The following XKR9 variants were observed in gnomAD, a reference collection of about 807,000 sequenced individuals.
XKR9 encodes the protein XK related 9.
Under a neutral mutation model 32.0 loss-of-function variants are expected in XKR9, and 32 were observed. The ratio of observed to expected loss-of-function variants is 1.00; its 90% CI spans 0.76 to 1.34. The LOEUF (loss-of-function observed/expected upper bound fraction) is 1.34. Among genes scored for constraint, XKR9 ranks in the 40% most tolerant of loss-of-function variants. The pLI, the probability that XKR9 is intolerant of heterozygous loss-of-function variation, is 0.00. For synonymous variants in XKR9, 168 were observed against 143.4 expected (o/e 1.17, Z -1.22); for missense variants, 546 against 429.7 (o/e 1.27, Z -2.39).
At chr8:70,876,611 A>G in the XKR9 span, among the ~76,000 whole-genome samples, 7 of 152,188 alleles carry the variant, frequency 4.6e-5, no homozygotes, top group Admixed American at 4.6e-4. Context: ...AAATAAATCC[A>G]TAACTGATAC....
chr8:70,945,199 G>C, the XKR9 span, among the ~76,000 whole-genome samples: 1 of 152,218 alleles, frequency 6.6e-6, no homozygotes, highest in East Asian at 1.9e-4. Flanking sequence ...GATCTCAGCA[G>C]GTATATCTTC....
exon 4 of XKR9, chr8:70,790,249 T>C (rs1161014907): frequency 6.6e-6 from 1 of 152,070 alleles, no homozygotes; most frequent in African/African-American, 2.4e-5. Context: ...TTTGATGTGA[T>C]AGAATGCCAA....
chr8:70,790,355 A>G (rs1004289270), exon 4 of XKR9: 4 of 152,086 alleles, frequency 2.6e-5, no homozygotes, highest in South Asian at 2.1e-4. Context: ...ATTAGAAGTT[A>G]GTTTCTTTTT....
the XKR9 span, among the ~76,000 whole-genome samples, chr8:71,060,500 TTGGCTGGGTACCCCTCCTTGTGGC>T: frequency 6.6e-6 from 1 of 152,214 alleles, no homozygotes; most frequent in African/African-American, 2.4e-5. Context: ...TGCTGAGCTA[TTGGCTGGGTACCCCTCCTTGTGGC>T]TACCTCAGGG....
At chr8:70,748,873 T>TCACA (rs34414318) in intron 2 of XKR9, among the ~76,000 whole-genome samples, 60,975 of 151,698 alleles carry the variant, frequency 0.4, 13,735 homozygotes, top group Non-Finnish European at 0.52. Flanking sequence ...TCAGCCAGAC[T>TCACA]CAGACATTGG....
the XKR9 span, among the ~76,000 whole-genome samples, chr8:71,006,320 G>A: frequency 3.1e-5 from 4 of 130,612 alleles, no homozygotes; most frequent in Non-Finnish European, 6.8e-5. Flanking sequence ...AAAACATTAC[G>A]ATATTTAAAA....
chr8:70,836,684 G>A, the XKR9 span, among the ~76,000 whole-genome samples: 4 of 151,852 alleles, frequency 2.6e-5, no homozygotes, highest in South Asian at 8.3e-4. Flanking sequence ...ATCTTTAAGG[G>A]ACATGTGCAT....
chr8:71,016,088 G>A, the XKR9 span, among the ~76,000 whole-genome samples: 1 of 119,822 alleles, frequency 8.3e-6, no homozygotes, highest in African/African-American at 2.8e-5. Context: ...CTCTGACGTT[G>A]GCATTAAATT....
intron 2 of XKR9, among the ~76,000 whole-genome samples, chr8:70,743,780 C>A (rs1246503525): frequency 6.6e-6 from 1 of 152,052 alleles, no homozygotes; most frequent in Non-Finnish European, 1.5e-5. Context: ...GCCTTAAAAC[C>A]ACTAAAACTG....
chr8:70,872,416 A>G, the XKR9 span, among the ~76,000 whole-genome samples: 3 of 152,220 alleles, frequency 2.0e-5, no homozygotes, highest in Non-Finnish European at 4.4e-5. Context: ...AGCCATTTCC[A>G]TTACATCAAA....
chr8:70,895,126 A>G, the XKR9 span, among the ~76,000 whole-genome samples: 1 of 152,074 alleles, frequency 6.6e-6, no homozygotes, highest in Non-Finnish European at 1.5e-5. Context: ...TAGGTGTCCA[A>G]TGTGTTGATG....
the XKR9 span, among the ~76,000 whole-genome samples, chr8:70,893,991 T>C: frequency 9.2e-5 from 14 of 152,082 alleles, no homozygotes; most frequent in African/African-American, 3.4e-4. Flanking sequence ...CTCCCTGGCA[T>C]CTTGGGCCCA....
the XKR9 span, among the ~76,000 whole-genome samples, chr8:70,857,523 T>C: frequency 6.6e-6 from 1 of 152,220 alleles, no homozygotes; most frequent in Non-Finnish European, 1.5e-5. Context: ...CACAGCCGAA[T>C]TCTACCAGAG....
intron 3 of XKR9, among the ~76,000 whole-genome samples, chr8:70,684,370 A>T (rs1012189576): frequency 5.9e-5 from 9 of 152,114 alleles, no homozygotes; most frequent in African/African-American, 2.2e-4. Context: ...TCTTTGTGAT[A>T]CATTCTGTGG....
chr8:70,730,370 AG>A (rs1250294337), intron 4 of XKR9, among the ~76,000 whole-genome samples: 1 of 152,170 alleles, frequency 6.6e-6, no homozygotes, highest in Non-Finnish European at 1.5e-5. Context: ...AAACCTTTTT[AG>A]AACCCTTTAC....
At chr8:70,887,699 G>A in the XKR9 span, among the ~76,000 whole-genome samples, 1 of 151,998 alleles carries the variant, frequency 6.6e-6, no homozygotes, top group Admixed American at 6.6e-5. Context: ...ATGAATAGGA[G>A]TTCACTCATG....
the XKR9 span, among the ~76,000 whole-genome samples, chr8:70,934,106 A>G: frequency 6.6e-6 from 1 of 152,078 alleles, no homozygotes; most frequent in East Asian, 1.9e-4. Flanking sequence ...AAATTACTTT[A>G]GAGTTATATG....
At chr8:70,902,566 G>A in the XKR9 span, among the ~76,000 whole-genome samples, 1 of 152,066 alleles carries the variant, frequency 6.6e-6, no homozygotes, top group African/African-American at 2.4e-5. Context: ...GAGTTGATGG[G>A]GTTTTGTAAA....
chr8:70,760,030 A>C (rs1807286798), intron 2 of XKR9, among the ~76,000 whole-genome samples: 1 of 152,206 alleles, frequency 6.6e-6, no homozygotes, highest in Non-Finnish European at 1.5e-5. Flanking sequence ...TTGTTTTCAA[A>C]TAATGTATAT....
Sources: allele counts gnomAD v4.1 joint callset (sites outside exome capture counted in the v4.1 genomes callset), GRCh38; gene constraint gnomAD v4.1.1; transcripts MANE v1.5; gene names NCBI Gene and HGNC (gene_info 2026-07-23, HGNC 2026-07-21).